The following SUPT3H variants were observed in gnomAD, a reference collection of about 807,000 sequenced individuals.
SUPT3H encodes the protein SPT3 homolog, SAGA and STAGA complex component, also known as transcription initiation protein SPT3 homolog.
In SUPT3H, 44 loss-of-function variants were observed where a neutral mutation model predicts 44.3. The observed-to-expected ratio is 0.99, with a 90% CI of 0.78 to 1.28. The LOEUF (loss-of-function observed/expected upper bound fraction) is 1.28, where lower values mean the gene tolerates loss of function less well. SUPT3H is among the 50% of genes most tolerant of loss of function. The pLI, the probability that SUPT3H is intolerant of heterozygous loss-of-function variation, is 0.00. For missense variants in SUPT3H, 380 were observed against 387.1 expected (o/e 0.98, Z 0.15); for synonymous variants, 124 against 125.6 (o/e 0.99, Z 0.09).
intron 6 of SUPT3H, among the ~76,000 whole-genome samples, chr6:44,981,477 G>A (rs1779086200): frequency 6.6e-6 from 1 of 152,168 alleles, no homozygotes; most frequent in Admixed American, 6.5e-5. Flanking sequence ...TATATCAACA[G>A]TGCTTAAGTG....
At chr6:45,310,730 C>A (rs918767592) in intron 2 of SUPT3H, among the ~76,000 whole-genome samples, 2 of 152,090 alleles carry the variant, frequency 1.3e-5, no homozygotes, top group East Asian at 1.9e-4. Flanking sequence ...GAAAAGGGGG[C>A]GAGTACTACA....
chr6:44,831,624 A>AAT (rs1216982139), intron 10 of SUPT3H, among the ~76,000 whole-genome samples: 10 of 152,298 alleles, frequency 6.6e-5, no homozygotes, highest in Admixed American at 2.6e-4. Flanking sequence ...TGTATTATTT[A>AAT]AAGCACAGGG....
intron 2 of SUPT3H, among the ~76,000 whole-genome samples, chr6:45,148,516 G>A (rs1806447064): frequency 6.6e-6 from 1 of 152,122 alleles, no homozygotes; most frequent in Non-Finnish European, 1.5e-5. Flanking sequence ...ACAGAAAACT[G>A]AACCAAGTCA....
At chr6:45,009,782 G>A (rs1207355644) in intron 5 of SUPT3H, among the ~76,000 whole-genome samples, 2 of 152,044 alleles carry the variant, frequency 1.3e-5, no homozygotes, top group Non-Finnish European at 2.9e-5. Context: ...ATTGTTCTAG[G>A]TATTCTAGTT....
rs141852959 is a variant in SUPT3H, at chr6:45,127,613, T to C, written c.102-21607A>G. On this transcript the variant is annotated intron_variant, in intron 2 of 10. Coordinates refer to ENST00000371459, the MANE Select transcript of SUPT3H (RefSeq NM_003599.4). ...CACACACTCATAATTTATGTTTTTTTCTTCATGTAGCTAGGAGTTTATCTG... is the reference window on the plus strand; with the variant it reads ...CACACACTCATAATTTATGTTTTTTCCTTCATGTAGCTAGGAGTTTATCTG... 5.7e-3 allele frequency among the ~76,000 whole-genome samples: 866 copies of C among 152,308 alleles called. 8 individuals carry two copies. Among genetic ancestry groups the C allele is most frequent in the South Asian group, 0.023 (113 of 4,822 alleles).
intron 2 of SUPT3H, among the ~76,000 whole-genome samples, chr6:45,115,018 C>G (rs1008509950): frequency 6.6e-6 from 1 of 152,120 alleles, no homozygotes; most frequent in Non-Finnish European, 1.5e-5. Context: ...ACTTTACTAT[C>G]TTAGATTGAC....
intron 10 of SUPT3H, among the ~76,000 whole-genome samples, chr6:44,916,104 C>T (rs1424449897): frequency 1.3e-5 from 2 of 152,056 alleles, no homozygotes; most frequent in African/African-American, 4.8e-5. Flanking sequence ...CACAGGTGTA[C>T]AAAGACATAT....
intron 2 of SUPT3H, among the ~76,000 whole-genome samples, chr6:45,298,947 G>A (rs1263912738): frequency 6.6e-6 from 1 of 151,902 alleles, no homozygotes; most frequent in Non-Finnish European, 1.5e-5. Context: ...TCTAAAACAT[G>A]GACCATTTTA....
intron 10 of SUPT3H, among the ~76,000 whole-genome samples, chr6:44,886,138 G>A (rs1448537953): frequency 3.9e-5 from 6 of 152,206 alleles, no homozygotes; most frequent in African/African-American, 1.2e-4. Flanking sequence ...ATCTGAGTCT[G>A]ATTGGTGTTC....
At chr6:44,993,008 T>C (rs890273426) in intron 6 of SUPT3H, among the ~76,000 whole-genome samples, 2 of 151,876 alleles carry the variant, frequency 1.3e-5, no homozygotes, top group Non-Finnish European at 2.9e-5. Flanking sequence ...TACAAAAATA[T>C]GAAAATTTGG....
intron 6 of SUPT3H, among the ~76,000 whole-genome samples, chr6:44,962,802 T>C (rs1776219322): frequency 6.6e-6 from 1 of 152,122 alleles, no homozygotes; most frequent in South Asian, 2.1e-4. Flanking sequence ...AGAATATAGA[T>C]GGGGCAGTAG....
At chr6:45,003,500 A>G (rs1782280077) in intron 6 of SUPT3H, among the ~76,000 whole-genome samples, 153 bp downstream of exon 6, 1 of 152,208 alleles carries the variant, frequency 6.6e-6, no homozygotes, top group South Asian at 2.1e-4. Flanking sequence ...CTCCCACTTC[A>G]GGGGCTGATC....
chr6:45,066,185 T>A (rs1040535446), intron 3 of SUPT3H, among the ~76,000 whole-genome samples: 1 of 150,202 alleles, frequency 6.7e-6, no homozygotes, highest in Non-Finnish European at 1.5e-5. Flanking sequence ...TAATCCAGCA[T>A]ATAAACAGAG....
chr6:45,046,394 G>T (rs913205066), intron 3 of SUPT3H, among the ~76,000 whole-genome samples: 1 of 151,972 alleles, frequency 6.6e-6, no homozygotes, highest in African/African-American at 2.4e-5. Context: ...GCAGTGGCAC[G>T]ATCTCAGCTC....
intron 10 of SUPT3H, among the ~76,000 whole-genome samples, chr6:44,877,148 A>G (rs574922541): frequency 2.0e-5 from 3 of 152,190 alleles, no homozygotes; most frequent in Non-Finnish European, 4.4e-5. Flanking sequence ...ATTTTACAAA[A>G]TGTTATTTTA....
chr6:45,376,902 C>T (rs1796863597), intron 1 of SUPT3H, among the ~76,000 whole-genome samples: 1 of 152,082 alleles, frequency 6.6e-6, no homozygotes, highest in African/African-American at 2.4e-5. Flanking sequence ...TATGTATATA[C>T]ATATATATAC....
Position 44,829,729 on chromosome 6 carries a change from T to G in SUPT3H, c.*87A>C. The G allele has an allele frequency of 2.0e-6, 3 of 1,484,020 alleles. No homozygotes were observed. The highest frequency in any genetic ancestry group is 1.2e-5 in the South Asian group (1 of 84,418). The allele number at this position is 1,484,020 out of a possible 1,614,324, so 91.9% of individuals were successfully genotyped here. On this transcript the variant is annotated 3_prime_UTR_variant, in exon 11 of 11. Coordinates refer to ENST00000371459, the MANE Select transcript of SUPT3H (RefSeq NM_003599.4). ...CCCACTCCCTCAGATAAAAGAAAGG[T>G]AAATTTGTATTTTATTTTGTTCACA...
chr6:45,193,172 T>C (rs1815423093), intron 2 of SUPT3H, among the ~76,000 whole-genome samples: 1 of 152,134 alleles, frequency 6.6e-6, no homozygotes, highest in Non-Finnish European at 1.5e-5. Context: ...GAATAAATGT[T>C]CTTTGAAACT....
intron 2 of SUPT3H, among the ~76,000 whole-genome samples, chr6:45,150,521 T>C (rs986948478): frequency 5.3e-5 from 8 of 152,242 alleles, no homozygotes; most frequent in African/African-American, 1.9e-4. Flanking sequence ...ATATTGAATA[T>C]AAACTAAATT....
Sources: allele counts gnomAD v4.1 joint callset (sites outside exome capture counted in the v4.1 genomes callset), GRCh38; gene constraint gnomAD v4.1.1; transcripts MANE v1.5; gene names NCBI Gene and HGNC (gene_info 2026-07-23, HGNC 2026-07-21).